Variants in NDRG3 observed in about 807,000 individuals in gnomAD.
NDRG3 encodes the protein NDRG family member 3.
NDRG3 carries 23 observed loss-of-function variants against 57.2 expected under a neutral mutation model. The observed-to-expected ratio is 0.40, with a 90% CI of 0.29 to 0.57. NDRG3 has a LOEUF of 0.57. Ranked by LOEUF, NDRG3 falls within the 20% of genes least tolerant of loss-of-function variation. The pLI, the probability that NDRG3 is intolerant of heterozygous loss-of-function variation, is 0.42. For missense variants in NDRG3, 384 were observed against 457.3 expected (o/e 0.84, Z 1.46); for synonymous variants, 132 against 162.6 (o/e 0.81, Z 1.43).
intron 3 of NDRG3, among the ~76,000 whole-genome samples, chr20:36,692,334 C>T (rs942679135): frequency 6.6e-6 from 1 of 152,218 alleles, no homozygotes; most frequent in African/African-American, 2.4e-5. Context: ...AGCAATTCTC[C>T]TGCCTCAGTC....
intron 5 of NDRG3, among the ~76,000 whole-genome samples, chr20:36,685,178 G>A (rs1195882880): frequency 6.6e-6 from 1 of 151,938 alleles, no homozygotes; most frequent in Non-Finnish European, 1.5e-5. Flanking sequence ...CTATATTTAG[G>A]CAACTAAATG....
intron 3 of NDRG3, among the ~76,000 whole-genome samples, chr20:36,699,133 G>C (rs550727916): frequency 2.6e-5 from 4 of 152,156 alleles, no homozygotes; most frequent in African/African-American, 9.6e-5. Context: ...ATTTCTTGGA[G>C]AGACGGGGTC....
At chr20:36,677,011 G>C (rs1397436671) in intron 8 of NDRG3, among the ~76,000 whole-genome samples, 1 of 152,236 alleles carries the variant, frequency 6.6e-6, no homozygotes, top group African/African-American at 2.4e-5. Flanking sequence ...GCTCTTGGGG[G>C]AACTGGGAAC....
rs139456530 is a variant in NDRG3, at chr20:36,671,382, T to C, written c.547A>G (p.Thr183Ala). Residue 183 changes from threonine (T) to alanine (A), a missense_variant, in exon 9 of 16, where the codon ACC becomes GCC. Coordinates refer to ENST00000349004, the MANE Select transcript of NDRG3 (RefSeq NM_032013.4). The part of the protein sequence containing the change: ...WAASKLSGLT[T>A]NVVDIILAHH... ...GCCAAAATAATGTCCACAACATTGG[T>C]TGTCAGGCCAGAGAGCTGAAAAGAT... 1.9e-5 allele frequency: 31 copies of C among 1,613,844 alleles called. No homozygotes were observed. The African/African-American group carries it at 2.1e-4, about 11-fold the overall frequency.
chr20:36,708,801 G>A (rs1160991909), intron 2 of NDRG3, among the ~76,000 whole-genome samples: 1 of 152,162 alleles, frequency 6.6e-6, no homozygotes, highest in East Asian at 1.9e-4. Context: ...CACTTTGGGA[G>A]GCCAAGGCGG....
intron 3 of NDRG3, among the ~76,000 whole-genome samples, chr20:36,696,245 C>T (rs1600915257): frequency 6.6e-6 from 1 of 151,288 alleles, no homozygotes; most frequent in Admixed American, 6.6e-5. Flanking sequence ...TACAGGTGTG[C>T]ATCCCCACAC....
At chr20:36,660,133 G>C (rs868445460) in intron 13 of NDRG3, among the ~76,000 whole-genome samples, 2 of 151,880 alleles carry the variant, frequency 1.3e-5, no homozygotes, top group Non-Finnish European at 2.9e-5. Context: ...GCTTGAACCC[G>C]AGAGGTGGAG....
intron 1 of NDRG3, among the ~76,000 whole-genome samples, chr20:36,727,821 A>C (rs1046992594): frequency 5.9e-5 from 9 of 151,786 alleles, no homozygotes; most frequent in African/African-American, 2.2e-4. Flanking sequence ...GATTACAGGC[A>C]TGAGCCACCG....
At chr20:36,711,428 ATTATT>A (rs1480722306) in intron 2 of NDRG3, among the ~76,000 whole-genome samples, 1 of 152,128 alleles carries the variant, frequency 6.6e-6, no homozygotes, top group Non-Finnish European at 1.5e-5. Context: ...TCCTTTAGGG[ATTATT>A]TTAAGATTAG....
chr20:36,687,417 C>A lies in NDRG3; in HGVS notation c.320+75G>T, dbSNP rs542773554. Reference sequence around the variant, plus strand: ...TAATAAAATCAAAGGGAAGCACACACCACTTCTCCCACTGGAGCTCAGCCA... The same window carrying A: ...TAATAAAATCAAAGGGAAGCACACAACACTTCTCCCACTGGAGCTCAGCCA... On this transcript the variant is annotated intron_variant, in intron 5 of 15. Coordinates refer to ENST00000349004, the MANE Select transcript of NDRG3 (RefSeq NM_032013.4). 1.2e-4 allele frequency: 193 copies of A among 1,549,746 alleles called. 1 individual carries two copies. In the East Asian group the frequency reaches 4.3e-3, roughly 34 times the overall value.
At chr20:36,725,491 A>G (rs2148205219) in intron 1 of NDRG3, among the ~76,000 whole-genome samples, 1 of 150,512 alleles carries the variant, frequency 6.6e-6, no homozygotes, top group African/African-American at 2.5e-5. Flanking sequence ...AATCTCAGCT[A>G]CTCGGGAGGC....
At chr20:36,661,554 G>C (rs1173805283) in intron 12 of NDRG3, among the ~76,000 whole-genome samples, 1 of 152,172 alleles carries the variant, frequency 6.6e-6, no homozygotes, top group Non-Finnish European at 1.5e-5. Flanking sequence ...TCTACAGATA[G>C]ATAAAGGGAA....
At chr20:36,707,093 T>C (rs1024647206) in intron 2 of NDRG3, 86 bp from the exon 3 acceptor site, 21 of 1,225,092 alleles carry the variant, frequency 1.7e-5, no homozygotes, top group Admixed American at 8.8e-5. Flanking sequence ...GTGACAGCAG[T>C]GCATGTGCAG....
At chr20:36,714,624 G>C (rs1413677491) in intron 2 of NDRG3, among the ~76,000 whole-genome samples, 1 of 145,664 alleles carries the variant, frequency 6.9e-6, no homozygotes, top group African/African-American at 2.6e-5. Context: ...TTGTTTGTTT[G>C]TTTTTTTGAG....
rs1399665691 is a variant in NDRG3 at position 36,653,889 on chromosome 20, T to C, written c.947-188A>G. Among the ~76,000 whole-genome samples the C allele has an allele frequency of 2.0e-5, 3 of 152,192 alleles. No homozygotes were observed. The highest frequency in any genetic ancestry group is 4.4e-5 in the Non-Finnish European group (3 of 68,036). ...GTGGCGATATGTGAGGCCACTTTAA[T>C]CCTTTAGATCTGGTTGGAATCTCAG... On this transcript the variant is annotated intron_variant, in intron 15 of 15. Coordinates refer to ENST00000349004, the MANE Select transcript of NDRG3 (RefSeq NM_032013.4). The surrounding 1 kb of genome is among the most constrained non-coding windows in gnomAD (Gnocchi z 4.2).
intron 8 of NDRG3, among the ~76,000 whole-genome samples, chr20:36,676,830 T>C (rs1010896589): frequency 2.0e-5 from 3 of 152,238 alleles, no homozygotes; most frequent in Admixed American, 6.5e-5. Flanking sequence ...GCCATCACGC[T>C]GTGTGGCTGG....
At chr20:36,659,837 G>A (rs932116856) in intron 13 of NDRG3, among the ~76,000 whole-genome samples, 3 of 151,588 alleles carry the variant, frequency 2.0e-5, no homozygotes, top group Non-Finnish European at 4.4e-5. Context: ...CTGACCTCGT[G>A]ATCCAACTGC....
At chr20:36,700,569 C>A (rs182509627) in intron 3 of NDRG3, 49 of 494,854 alleles carry the variant, frequency 9.9e-5, no homozygotes, top group African/African-American at 8.9e-4. Flanking sequence ...CAGGGAGTAA[C>A]GTGCTGTTGC....
At chr20:36,676,704 C>T (rs981263785) in intron 8 of NDRG3, among the ~76,000 whole-genome samples, 1 of 152,234 alleles carries the variant, frequency 6.6e-6, no homozygotes, top group African/African-American at 2.4e-5. Flanking sequence ...CTCAGGTGAT[C>T]CACTCACCTC....
Sources: allele counts gnomAD v4.1 joint callset (sites outside exome capture counted in the v4.1 genomes callset), GRCh38; gene constraint gnomAD v4.1.1; non-coding constraint Gnocchi (gnomAD v3.1); transcripts MANE v1.5; gene names NCBI Gene and HGNC (gene_info 2026-07-23, HGNC 2026-07-21).